GPHN: variants seen among roughly 807,000 people sequenced by gnomAD.
The protein encoded by GPHN is gephyrin.
Under a neutral mutation model 95.5 loss-of-function variants are expected in GPHN, and 17 were observed. That is an observed-to-expected ratio of 0.18 (90% CI 0.12 to 0.27). GPHN has a LOEUF of 0.27. Ranked by LOEUF, GPHN falls within the 10% of genes least tolerant of loss-of-function variation. The pLI, the probability that GPHN is intolerant of heterozygous loss-of-function variation, is 1.00. For missense variants in GPHN, 660 were observed against 978.1 expected (o/e 0.67, Z 4.34); for synonymous variants, 320 against 322.5 (o/e 0.99, Z 0.08).
At chr14:67,374,577 A>T in the GPHN span, 1 of 1,411,874 alleles carries the variant, frequency 7.1e-7, no homozygotes, top group Non-Finnish European at 9.9e-7. Context: ...AAATTAGTCC[A>T]CTATCTGTGT....
intron 11 of GPHN, among the ~76,000 whole-genome samples, chr14:67,060,860 G>T (rs2075796968): frequency 6.6e-6 from 1 of 151,974 alleles, no homozygotes; most frequent in Non-Finnish European, 1.5e-5. Context: ...CTATACCATT[G>T]CCCAGAGCTT....
At chr14:67,014,217 CTCTCTAAGCAAGCACTTTACATGTA>C (rs560722091) in intron 9 of GPHN, among the ~76,000 whole-genome samples, 118 of 152,218 alleles carry the variant, frequency 7.8e-4, no homozygotes, top group African/African-American at 2.7e-3. Flanking sequence ...CTCTGAGCTA[CTCTCTAAGCAAGCACTTTACATGTA>C]TCTCTAAGCA....
chr14:67,483,676 C>T, the GPHN span, among the ~76,000 whole-genome samples: 1 of 152,222 alleles, frequency 6.6e-6, no homozygotes, highest in Non-Finnish European at 1.5e-5. Context: ...CCAAGGCATG[C>T]GCCATTCAAA....
chr14:66,683,330 AT>A (rs2067061452), intron 2 of GPHN, among the ~76,000 whole-genome samples: 1 of 16,360 alleles, frequency 6.1e-5, no homozygotes, highest in Non-Finnish European at 9.4e-5. Context: ...CAATGTGGAA[AT>A]ATATATATAT....
At chr14:67,289,596 G>A in the GPHN span, among the ~76,000 whole-genome samples, 23 of 151,810 alleles carry the variant, frequency 1.5e-4, no homozygotes, top group African/African-American at 5.3e-4. Context: ...GATTTGGGGC[G>A]GGAAAGATAG....
chr14:67,539,797 C>A, the GPHN span, among the ~76,000 whole-genome samples: 1 of 152,160 alleles, frequency 6.6e-6, no homozygotes, highest in Non-Finnish European at 1.5e-5. Context: ...CTTCTCTGTT[C>A]CTCAGTGTCC....
At chr14:66,917,254 C>T (rs538805408) in intron 6 of GPHN, among the ~76,000 whole-genome samples, 1 of 152,136 alleles carries the variant, frequency 6.6e-6, no homozygotes, top group South Asian at 2.1e-4. Flanking sequence ...GATACTGGCA[C>T]GTTCTTAGAG....
chr14:67,263,224 C>A, the GPHN span, among the ~76,000 whole-genome samples: 2 of 152,092 alleles, frequency 1.3e-5, no homozygotes, highest in Admixed American at 6.6e-5. Flanking sequence ...TATATAGGGA[C>A]CCTAATTTGT....
chr14:67,587,327 C>G, the GPHN span: 3 of 1,367,812 alleles, frequency 2.2e-6, no homozygotes, highest in African/African-American at 2.8e-5. Flanking sequence ...ACGGGTCTAA[C>G]AGCCCCCGGC....
chr14:66,712,005 G>T (rs1230266043), intron 2 of GPHN, among the ~76,000 whole-genome samples: 6 of 152,158 alleles, frequency 3.9e-5, no homozygotes, highest in Admixed American at 3.3e-4. Flanking sequence ...GGACATTTGG[G>T]TTGGTTCCAA....
At position 67,003,023 on chromosome 14, in the gene GPHN, T is replaced by C. The variant is rs548584684; in HGVS notation, c.964-20610T>C. Among the ~76,000 whole-genome samples the C allele has an allele frequency of 7.9e-4, 120 of 151,756 alleles. 3 individuals carry two copies. The South Asian group carries it at 0.025, about 31-fold the overall frequency. On this transcript the variant is annotated intron_variant, in intron 9 of 22. Transcript: ENST00000478722. ...CCTAGTCATTGTAAAGGATATAGAA[T>C]ATGAAATACATGAACACTTAATGTC...
chr14:66,518,836 G>A (rs187616995), intron 1 of GPHN, among the ~76,000 whole-genome samples: 6 of 152,070 alleles, frequency 3.9e-5, no homozygotes, highest in African/African-American at 1.2e-4. Flanking sequence ...GGGAAGAGGC[G>A]GGGGAAGGGG....
intron 10 of GPHN, among the ~76,000 whole-genome samples, chr14:67,048,855 C>T (rs1431074973): frequency 6.6e-6 from 1 of 152,182 alleles, no homozygotes; most frequent in Admixed American, 6.5e-5. Context: ...CTAATGCCCT[C>T]GCAGATTCTC....
At chr14:66,743,185 C>T (rs201698216) in intron 2 of GPHN, among the ~76,000 whole-genome samples, 3 of 146,152 alleles carry the variant, frequency 2.1e-5, no homozygotes, top group African/African-American at 7.5e-5. Flanking sequence ...GTAGAGAGTT[C>T]TTTTTTTTTT....
the GPHN span, among the ~76,000 whole-genome samples, chr14:67,404,169 A>C: frequency 1.2e-4 from 19 of 152,240 alleles, no homozygotes; most frequent in Admixed American, 1.0e-3. Context: ...ATATGGTAAC[A>C]ACATAGTGCC....
At chr14:66,730,895 A>G (rs1595718048) in intron 2 of GPHN, among the ~76,000 whole-genome samples, 2 of 152,304 alleles carry the variant, frequency 1.3e-5, no homozygotes, top group South Asian at 2.1e-4. Context: ...TGTAATCCCC[A>G]TGTGTCAAGG....
chr14:67,071,674 A>G (rs983911317), intron 11 of GPHN, among the ~76,000 whole-genome samples: 3 of 152,056 alleles, frequency 2.0e-5, no homozygotes, highest in African/African-American at 7.2e-5. Flanking sequence ...AATCAGGCCT[A>G]TAACCTTGGC....
the GPHN span, among the ~76,000 whole-genome samples, chr14:67,598,826 G>C: frequency 0.79 from 118,887 of 151,140 alleles, 46,906 homozygotes; most frequent in Middle Eastern, 0.84. Context: ...TCTCCCGCCT[G>C]AGCCTTCCGA....
the GPHN span, among the ~76,000 whole-genome samples, chr14:67,469,568 G>A: frequency 6.7e-6 from 1 of 150,240 alleles, no homozygotes; most frequent in Non-Finnish European, 1.5e-5. Flanking sequence ...TTACAGGTGT[G>A]AGCCACCATG....
Sources: gnomAD v4.1 joint callset for allele counts (sites outside exome capture counted in the v4.1 genomes callset) on GRCh38, gnomAD v4.1.1 for gene constraint, MANE v1.5 for transcripts, NCBI Gene and HGNC (gene_info 2026-07-23, HGNC 2026-07-21) for gene names.